The following CENPP variants were observed in gnomAD, a reference collection of about 807,000 sequenced individuals.
The protein encoded by CENPP is centromere protein P.
CENPP carries 24 observed loss-of-function variants against 35.6 expected under a neutral mutation model. The ratio of observed to expected loss-of-function variants is 0.67; its 90% confidence interval spans 0.49 to 0.95. The LOEUF is 0.95. CENPP is among the 40% of genes least tolerant of loss of function. The pLI, the probability that CENPP is intolerant of heterozygous loss-of-function variation, is 0.00. For synonymous variants in CENPP, 120 were observed against 125.5 expected, an observed-to-expected ratio of 0.96 and a Z score of 0.29; for missense variants, 332 against 345.3, an observed-to-expected ratio of 0.96 and a Z score of 0.31.
chr9:92,351,068 T>C (rs1049258393), intron 4 of CENPP, among the ~76,000 whole-genome samples: 1 of 152,226 alleles, frequency 6.6e-6, no homozygotes, highest in Non-Finnish European at 1.5e-5. Flanking sequence ...ATTTTTTTAC[T>C]GTGGCAAAAT....
At position 92,394,974 on chromosome 9, in the gene CENPP, GTTTAT is replaced by G. The variant is rs557092880; in HGVS notation, c.564+15120_564+15124del. Among the ~76,000 whole-genome samples the G allele has an allele frequency of 3.6e-3, 541 of 152,152 alleles. 1 individual carries two copies. The highest frequency in any genetic ancestry group is 5.4e-3 in the Non-Finnish European group (368 of 67,994). On this transcript the variant is annotated intron_variant, in intron 5 of 7. Coordinates refer to ENST00000375587, the MANE Select transcript of CENPP (RefSeq NM_001012267.3). ...TTGTGTCCCATAAGTCATAATCTGT[GTTTAT>G]TTTAATAGTCAAATTGTCACAGATT...
At chr9:92,390,623 C>A (rs994197142) in intron 5 of CENPP, among the ~76,000 whole-genome samples, 2 of 151,842 alleles carry the variant, frequency 1.3e-5, no homozygotes, top group African/African-American at 4.8e-5. Context: ...TCACGTATAT[C>A]TGGGATAATT....
chr9:92,579,902 A>G (rs1850378307), intron 5 of CENPP, among the ~76,000 whole-genome samples: 2 of 148,816 alleles, frequency 1.3e-5, no homozygotes, highest in South Asian at 4.2e-4. Context: ...GAGTGCTTCC[A>G]GTTTTTGCCC....
intron 5 of CENPP, among the ~76,000 whole-genome samples, chr9:92,529,866 C>T (rs901494362): frequency 6.6e-6 from 1 of 152,178 alleles, no homozygotes; most frequent in African/African-American, 2.4e-5. Context: ...ACAGTATAGT[C>T]AGCCCTTTAT....
chr9:92,350,779 G>A (rs140635142), intron 4 of CENPP, among the ~76,000 whole-genome samples: 62 of 152,220 alleles, frequency 4.1e-4, no homozygotes, highest in Middle Eastern at 3.4e-3. Context: ...ACATGCTTAT[G>A]CAGCTTTGTG....
chr9:92,547,580 TGA>T lies in CENPP; in HGVS notation c.565-63733_565-63732del, dbSNP rs1849498354. ...CAGTCACAAAAGACCACATATTGAATGATTTCATTCGTATGAAATGTCCAAAA... is the reference window on the plus strand; with the variant it reads ...CAGTCACAAAAGACCACATATTGAATTTTCATTCGTATGAAATGTCCAAAA... On this transcript the variant is annotated intron_variant, in intron 5 of 7. Transcript: ENST00000375587. Among the ~76,000 whole-genome samples, 4 of 152,346 alleles carry T rather than the reference TGA, an allele frequency of 2.6e-5. No homozygotes were observed. The South Asian group carries it at 8.3e-4, about 32-fold the overall frequency.
chr9:92,416,730 A>G (rs781487614), intron 5 of CENPP: 16 of 1,613,600 alleles, frequency 9.9e-6, no homozygotes, highest in Non-Finnish European at 1.4e-5. Context: ...GGAAGATTAA[A>G]AATATTATAT....
chr9:92,332,410 A>ATTGC, intron 2 of CENPP, 59 bp downstream of exon 2: 1 of 1,152,474 alleles, frequency 8.7e-7, no homozygotes, highest in South Asian at 1.8e-5. Flanking sequence ...ATGCATAAGA[A>ATTGC]ATTGGTTGTC....
chr9:92,418,787 C>A (rs1422254509), intron 5 of CENPP, among the ~76,000 whole-genome samples: 1 of 152,044 alleles, frequency 6.6e-6, no homozygotes, highest in Non-Finnish European at 1.5e-5. Flanking sequence ...TATTTTCTGT[C>A]CAAAACTAAC....
At chr9:92,398,889 T>C (rs537149028) in intron 5 of CENPP, among the ~76,000 whole-genome samples, 1 of 152,184 alleles carries the variant, frequency 6.6e-6, no homozygotes, top group Non-Finnish European at 1.5e-5. Context: ...TGGTGAAACC[T>C]GTCTCTACTA....
chr9:92,456,586 A>G (rs1844885535), intron 5 of CENPP: 1 of 152,560 alleles, frequency 6.6e-6, no homozygotes, highest in South Asian at 2.1e-4. Flanking sequence ...ATGAAACACT[A>G]CACGTTTTTA....
At chr9:92,466,711 C>A in intron 5 of CENPP, 1 of 731,180 alleles carries the variant, frequency 1.4e-6, no homozygotes. Context: ...ACTTTCCCAG[C>A]CCAATCTAAG....
chr9:92,487,748 G>A (rs1334763490), intron 5 of CENPP, among the ~76,000 whole-genome samples: 2 of 152,154 alleles, frequency 1.3e-5, no homozygotes, highest in Non-Finnish European at 2.9e-5. Context: ...AGGCTGAGGT[G>A]GGAGAATCAC....
chr9:92,478,583 G>C (rs1845796134), intron 5 of CENPP, among the ~76,000 whole-genome samples: 1 of 152,028 alleles, frequency 6.6e-6, no homozygotes, highest in Non-Finnish European at 1.5e-5. Context: ...CCTTCAAGTA[G>C]CTGGGATTAC....
intron 5 of CENPP, among the ~76,000 whole-genome samples, chr9:92,498,459 A>G (rs1846484680): frequency 6.6e-6 from 1 of 151,964 alleles, no homozygotes; most frequent in Admixed American, 6.5e-5. Flanking sequence ...GAAAATATAT[A>G]TATATTAAAA....
At chr9:92,387,205 T>C (rs1842467755) in intron 5 of CENPP, among the ~76,000 whole-genome samples, 1 of 151,796 alleles carries the variant, frequency 6.6e-6, no homozygotes, top group African/African-American at 2.4e-5. Context: ...AAACCCCATT[T>C]CTACTAAAAA....
intron 5 of CENPP, chr9:92,460,593 T>G (rs1015287887): frequency 1.5e-6 from 2 of 1,339,926 alleles, no homozygotes; most frequent in African/African-American, 1.4e-5. Flanking sequence ...ATATATATGT[T>G]AAGTCAAGTA....
chr9:92,489,536 C>T (rs1368406918), intron 5 of CENPP, among the ~76,000 whole-genome samples: 4 of 152,164 alleles, frequency 2.6e-5, no homozygotes, highest in Non-Finnish European at 5.9e-5. Context: ...ATACAATTTT[C>T]CCCCTTTTTA....
intron 5 of CENPP, chr9:92,494,286 A>G (rs1401326313): frequency 5.6e-6 from 4 of 710,276 alleles, no homozygotes; most frequent in African/African-American, 1.8e-5. Context: ...TACAGCTTAG[A>G]TTGCCTTAAA....
Sources: allele counts gnomAD v4.1 joint callset (sites outside exome capture counted in the v4.1 genomes callset), GRCh38; gene constraint gnomAD v4.1.1; transcripts MANE v1.5; gene names NCBI Gene and HGNC (gene_info 2026-07-23, HGNC 2026-07-21).